Variants in EGFR observed in about 807,000 individuals in gnomAD.
EGFR encodes the protein avian erythroblastic leukemia viral (v-erb-b) oncogene homolog.
In EGFR, 58 loss-of-function variants were observed where a neutral mutation model predicts 143.0. That is an observed-to-expected ratio of 0.41 (90% CI 0.33 to 0.50). The LOEUF is 0.50. EGFR is among the 20% of genes least tolerant of loss of function. The pLI is 0.39. For synonymous variants in EGFR, 613 were observed against 594.4 expected, an observed-to-expected ratio of 1.03 and a Z score of -0.45; for missense variants, 1,307 against 1,579.0, an observed-to-expected ratio of 0.83 and a Z score of 2.92.
At chr7:55,170,568 TC>T in intron 15 of EGFR, 3 of 1,611,734 alleles carry the variant, frequency 1.9e-6, no homozygotes, top group Non-Finnish European at 1.7e-6. Context: ...ACGTGTCTGT[TC>T]CCCCCGCTTT....
In EGFR at chr7:55,053,446, G is replaced by A. The variant is rs116400083; in HGVS notation, c.88+34081G>A. On this transcript the variant is annotated intron_variant, in intron 1 of 27. Coordinates refer to ENST00000275493, the MANE Select transcript of EGFR (RefSeq NM_005228.5). Reference sequence around the variant, plus strand: ...TCATTTTCCTGTGGCAACTTGTGAAGACCATTCTGTGACCTTGGTGTCTCT... The same window carrying A: ...TCATTTTCCTGTGGCAACTTGTGAAAACCATTCTGTGACCTTGGTGTCTCT... Among the ~76,000 whole-genome samples the A allele has an allele frequency of 7.5e-3, 1,144 of 152,340 alleles. 17 individuals are homozygous for A. The highest frequency in any genetic ancestry group is 0.026 in the African/African-American group (1,078 of 41,578).
chr7:55,181,225 G>A (rs1786849682), intron 19 of EGFR, 68 bp from the exon 20 acceptor site: 1 of 1,562,548 alleles, frequency 6.4e-7, no homozygotes, highest in Non-Finnish European at 8.8e-7. Flanking sequence ...TCACCTGGAA[G>A]GGGTCCATGT....
At chr7:55,097,166 C>A (rs192112698) in intron 1 of EGFR, among the ~76,000 whole-genome samples, 1 of 152,194 alleles carries the variant, frequency 6.6e-6, no homozygotes, top group African/African-American at 2.4e-5. Flanking sequence ...CCCAGTTCCA[C>A]GGCCCAGGAA....
chr7:55,155,195 A>C (rs1200631932), intron 7 of EGFR, among the ~76,000 whole-genome samples: 1 of 152,218 alleles, frequency 6.6e-6, no homozygotes, highest in African/African-American at 2.4e-5. Flanking sequence ...TAATCCCAGC[A>C]CTTTGGGAGA....
At chr7:55,123,991 A>T (rs748857570) in intron 1 of EGFR, among the ~76,000 whole-genome samples, 21 of 152,270 alleles carry the variant, frequency 1.4e-4, no homozygotes, top group Non-Finnish European at 1.6e-4. Flanking sequence ...GTATGTGTGT[A>T]TGCACATAAA....
chr7:55,200,381 G>C lies in EGFR; in HGVS notation c.2914G>C (p.Ala972Pro). The C allele has an allele frequency of 6.2e-7, 1 of 1,614,078 alleles. No homozygotes were observed. Among genetic ancestry groups the C allele is most frequent in the Non-Finnish European group, 8.5e-7 (1 of 1,180,018 alleles). Reference protein sequence around the residue: ...RELIIEFSKMARDPQRYLVIQ... With the variant: ...RELIIEFSKMPRDPQRYLVIQ... ...GTTGATCATCGAATTCTCCAAAATG[G>C]CCCGAGACCCCCAGCGCTACCTTGT... Residue 972 changes from alanine (A) to proline (P), a missense_variant, in exon 24 of 28, where the codon GCC becomes CCC. By Grantham distance (27) the Ala-to-Pro change is conservative. Around this residue, in one of 7 missense-constraint regions of EGFR, gnomAD observed 313 missense variants for 312.3 expected, o/e 1.00. Transcript: ENST00000275493.
intron 1 of EGFR, among the ~76,000 whole-genome samples, chr7:55,133,636 G>A (rs929634084): frequency 3.3e-5 from 5 of 152,120 alleles, no homozygotes; most frequent in Non-Finnish European, 7.3e-5. Context: ...TCATCCCCAC[G>A]TCCACACTGC....
intron 1 of EGFR, among the ~76,000 whole-genome samples, chr7:55,076,042 T>C (rs1334260515): frequency 3.3e-5 from 5 of 152,232 alleles, no homozygotes; most frequent in African/African-American, 9.6e-5. Context: ...CTAGCAATTG[T>C]CCATTAGTAA....
At chr7:55,087,398 C>T (rs1393008780) in intron 1 of EGFR, among the ~76,000 whole-genome samples, 2 of 151,728 alleles carry the variant, frequency 1.3e-5, no homozygotes, top group Non-Finnish European at 2.9e-5. Flanking sequence ...TGCACATTCT[C>T]AGGCCCTGCG....
Position 55,205,491 on chromosome 7 carries a change from C to T in EGFR, c.3507C>T (p.Asn1169=), listed in dbSNP as rs1404576030. Residue 1169 remains asparagine (N), a synonymous_variant, in exon 28 of 28, where the codon AAC becomes AAT. Coordinates refer to ENST00000275493, the MANE Select transcript of EGFR (RefSeq NM_005228.5). ...QKGSHQISLD[N]PDYQQDFFPK... is the part of the protein sequence containing the mutation. ...GCAGCCACCAAATTAGCCTGGACAA[C>T]CCTGACTACCAGCAGGACTTCTTTC... 2 of 1,614,198 alleles carry T rather than the reference C, an allele frequency of 1.2e-6. No individual in the cohort carries two copies. Among genetic ancestry groups the T allele is most frequent in the Non-Finnish European group, 1.7e-6 (2 of 1,180,036 alleles).
At position 55,205,771 on chromosome 7, in the gene EGFR, T is replaced by C; in HGVS notation, c.*154T>C. On this transcript the variant is annotated 3_prime_UTR_variant, in exon 28 of 28. Transcript: ENST00000275493. ...TTTACACCGACTAGCCAGGAAGTAC[T>C]TCCACCTCGGGCACATTTTGGGAAG... The C allele has an allele frequency of 8.4e-7, 1 of 1,192,880 alleles. No individual in the cohort carries two copies. Among genetic ancestry groups the C allele is most frequent in the Non-Finnish European group, 1.2e-6 (1 of 834,928 alleles). 73.9% of individuals were successfully genotyped at this position (1,192,880 alleles called of 1,614,324 possible).
rs1786883628 is a variant in EGFR at position 55,181,594 on chromosome 7, A to G, written c.2469+116A>G. On this transcript the variant is annotated intron_variant, in intron 20 of 27. Coordinates refer to ENST00000275493, the MANE Select transcript of EGFR (RefSeq NM_005228.5). ...TGGGGATATGTGTGTGCGTGCATGC[A>G]GCACACACACATTCCTTTATTTTGG... is the stretch of plus-strand genomic sequence containing the variant. 4 of 1,189,524 alleles carry G rather than the reference A, an allele frequency of 3.4e-6. No individual in the cohort carries two copies. In the Admixed American group the frequency reaches 5.7e-5, roughly 17 times the overall value. The allele number at this position is 1,189,524 out of a possible 1,614,324, so 73.7% of individuals were successfully genotyped here. A position where few individuals can be genotyped will look rare whatever the true frequency, so the allele number is the denominator to read the frequency against.
intron 12 of EGFR, 142 bp downstream of exon 12, chr7:55,160,480 CTG>C: frequency 2.2e-6 from 2 of 905,722 alleles, no homozygotes; most frequent in Non-Finnish European, 1.6e-6. Flanking sequence ...AGATTCCTAA[CTG>C]TGAAATTACC....
At chr7:55,159,392 C>A (rs1257626776) in intron 11 of EGFR, among the ~76,000 whole-genome samples, 1 of 152,180 alleles carries the variant, frequency 6.6e-6, no homozygotes, top group Non-Finnish European at 1.5e-5. Flanking sequence ...CCCCTTCGGT[C>A]TGAATGACTT....
chr7:55,097,525 C>A (rs1791551538), intron 1 of EGFR, among the ~76,000 whole-genome samples: 1 of 152,224 alleles, frequency 6.6e-6, no homozygotes, highest in South Asian at 2.1e-4. Flanking sequence ...CCTTCCAAGG[C>A]CCTGGGAGTC....
At chr7:55,094,402 A>T (rs1791317315) in intron 1 of EGFR, among the ~76,000 whole-genome samples, 1 of 152,224 alleles carries the variant, frequency 6.6e-6, no homozygotes, top group South Asian at 2.1e-4. Flanking sequence ...CCACCCACTG[A>T]TCATCTGGGG....
chr7:55,149,485 T>C (rs1285848159), intron 4 of EGFR, among the ~76,000 whole-genome samples: 1 of 152,166 alleles, frequency 6.6e-6, no homozygotes, highest in African/African-American at 2.4e-5. Context: ...ACACCTTCCT[T>C]TGCAAAGTAT....
chr7:55,183,956 G>A (rs970252036), intron 20 of EGFR, among the ~76,000 whole-genome samples: 1 of 152,212 alleles, frequency 6.6e-6, no homozygotes, highest in African/African-American at 2.4e-5. Flanking sequence ...CGGGCCATCC[G>A]TGTGAAATGT....
chr7:55,155,193 GCACTTT>G (rs1785350767), intron 7 of EGFR, among the ~76,000 whole-genome samples: 1 of 152,206 alleles, frequency 6.6e-6, no homozygotes, highest in African/African-American at 2.4e-5. Flanking sequence ...TTTAATCCCA[GCACTTT>G]GGGAGACTGA....
Sources: gnomAD v4.1 joint callset for allele counts (sites outside exome capture counted in the v4.1 genomes callset) on GRCh38, gnomAD v4.1.1 for gene constraint, gnomAD v4.1.1 regional missense constraint, MANE v1.5 for transcripts, NCBI Gene and HGNC (gene_info 2026-07-23, HGNC 2026-07-21) for gene names.